Variants in CRPPA observed in about 807,000 individuals in gnomAD.
CRPPA encodes the protein D-ribitol-5-phosphate cytidylyltransferase.
Under a neutral mutation model 52.0 loss-of-function variants are expected in CRPPA, and 43 were observed. That is an observed-to-expected ratio of 0.83 (90% CI 0.65 to 1.07). CRPPA has a LOEUF of 1.07. CRPPA is among the 50% of genes least tolerant of loss of function. The pLI, the probability that CRPPA is intolerant of heterozygous loss-of-function variation, is 0.00. For synonymous variants in CRPPA, 250 were observed against 203.5 expected, an observed-to-expected ratio of 1.23 and a Z score of -1.94; for missense variants, 629 against 551.7, an observed-to-expected ratio of 1.14 and a Z score of -1.40.
chr7:16,166,471 G>C lies in CRPPA; in HGVS notation c.1251+49595C>G, dbSNP rs1045700702. ...ATATTTGTATTTTTAGTAGAGACAA[G>C]GTTTCACCTTGTTGGCCAGGCTAGT... On this transcript the variant is annotated intron_variant, in intron 9 of 9. Coordinates refer to ENST00000407010, the MANE Select transcript of CRPPA (RefSeq NM_001101426.4). 5.9e-5 allele frequency among the ~76,000 whole-genome samples: 9 copies of C among 152,110 alleles called. No individual in the cohort carries two copies. In the South Asian group the frequency reaches 6.2e-4, roughly 11 times the overall value.
At chr7:16,220,958 T>C (rs1306056141) in intron 8 of CRPPA, among the ~76,000 whole-genome samples, 2 of 152,020 alleles carry the variant, frequency 1.3e-5, no homozygotes, top group African/African-American at 4.8e-5. Flanking sequence ...AAAGTTCATA[T>C]GGAACCAAAA....
At chr7:16,122,329 A>G (rs951727810) in intron 9 of CRPPA, among the ~76,000 whole-genome samples, 3 of 152,062 alleles carry the variant, frequency 2.0e-5, no homozygotes, top group African/African-American at 7.2e-5. Context: ...AGCAATAATA[A>G]TTACAAGAAA....
intron 9 of CRPPA, among the ~76,000 whole-genome samples, chr7:16,127,475 G>GA (rs901189218): frequency 6.6e-6 from 1 of 151,636 alleles, no homozygotes; most frequent in Non-Finnish European, 1.5e-5. Flanking sequence ...AGTTGGGTAA[G>GA]AAAAAAAATC....
chr7:16,387,135 C>T, intron 2 of CRPPA, among the ~76,000 whole-genome samples: 1 of 137,726 alleles, frequency 7.3e-6, no homozygotes. Context: ...GCTCACTTTT[C>T]ATCTTCTATA....
chr7:16,204,267 A>G (rs2128394349), intron 9 of CRPPA, among the ~76,000 whole-genome samples: 1 of 152,336 alleles, frequency 6.6e-6, no homozygotes, highest in East Asian at 1.9e-4. Context: ...GGAAAGGTTA[A>G]TCTGAATCAA....
chr7:16,298,603 G>C (rs1220669714), intron 5 of CRPPA, among the ~76,000 whole-genome samples: 1 of 152,174 alleles, frequency 6.6e-6, no homozygotes, highest in Non-Finnish European at 1.5e-5. Flanking sequence ...AAAATACTTT[G>C]AACATGGTTA....
At chr7:16,262,077 G>C (rs1025191860) in intron 6 of CRPPA, 7 of 152,100 alleles carry the variant, frequency 4.6e-5, no homozygotes. Flanking sequence ...TCTTCATGGG[G>C]AATTTCCAAA....
At chr7:16,205,899 G>A (rs538618385) in intron 9 of CRPPA, among the ~76,000 whole-genome samples, 5 of 151,282 alleles carry the variant, frequency 3.3e-5, no homozygotes, top group Admixed American at 6.6e-5. Context: ...GAGAATTAAG[G>A]TGGTGAATAT....
chr7:16,162,457 G>A (rs1361170875), intron 9 of CRPPA, among the ~76,000 whole-genome samples: 4 of 152,148 alleles, frequency 2.6e-5, no homozygotes, highest in African/African-American at 7.2e-5. Flanking sequence ...TCAGGAGCAG[G>A]TTGTTCAGTT....
intron 9 of CRPPA, among the ~76,000 whole-genome samples, chr7:16,197,693 C>T (rs1183050951): frequency 6.6e-6 from 1 of 150,880 alleles, no homozygotes; most frequent in Non-Finnish European, 1.5e-5. Flanking sequence ...CACATAATGA[C>T]TCCATCCAAA....
chr7:16,213,930 A>G (rs1173713787), intron 9 of CRPPA, among the ~76,000 whole-genome samples: 1 of 152,194 alleles, frequency 6.6e-6, no homozygotes. Flanking sequence ...AGCAAGCTTT[A>G]TGTTACACTT....
rs1562497182 is a variant in CRPPA, at chr7:16,089,544, T to TGG, written c.*2150_*2151insCC. 4 of 253,356 alleles carry TGG rather than the reference T, an allele frequency of 1.6e-5. No individual in the cohort carries two copies. The highest frequency in any genetic ancestry group is 1.5e-3 in the Middle Eastern group (1 of 674). The allele number at this position is 253,356 out of a possible 1,614,324, so 15.7% of individuals were successfully genotyped here. A position where few individuals can be genotyped will look rare whatever the true frequency, so the allele number is the denominator to read the frequency against. On this transcript the variant is annotated 3_prime_UTR_variant, in exon 10 of 10. Transcript: ENST00000407010. ...ATATATGTACGTACATACATATATATGTATATACATGTAAGTATATACATA... is the reference window on the plus strand; with the variant it reads ...ATATATGTACGTACATACATATATATGGGTATATACATGTAAGTATATACATA...
At chr7:16,240,370 A>T (rs941365473) in intron 8 of CRPPA, among the ~76,000 whole-genome samples, 21 of 152,032 alleles carry the variant, frequency 1.4e-4, no homozygotes, top group Admixed American at 3.3e-4. Context: ...CTGCCACTGG[A>T]GCAGTGTACA....
intron 1 of CRPPA, among the ~76,000 whole-genome samples, chr7:16,409,139 T>C (rs1788022358): frequency 6.6e-6 from 1 of 152,274 alleles, no homozygotes; most frequent in African/African-American, 2.4e-5. Context: ...TGACCTCAGG[T>C]GATCCACCCA....
intron 5 of CRPPA, among the ~76,000 whole-genome samples, chr7:16,295,805 T>C (rs1227852438): frequency 6.6e-6 from 1 of 152,120 alleles, no homozygotes. Flanking sequence ...CAGAGCAGAC[T>C]TGGGTGGGCT....
At chr7:16,110,879 C>A (rs1271723276) in intron 9 of CRPPA, among the ~76,000 whole-genome samples, 2 of 151,224 alleles carry the variant, frequency 1.3e-5, no homozygotes, top group Admixed American at 1.3e-4. Context: ...ACAACATGGG[C>A]AATGATTTCT....
At chr7:16,102,295 C>A (rs1312796194) in intron 9 of CRPPA, among the ~76,000 whole-genome samples, 1 of 152,102 alleles carries the variant, frequency 6.6e-6, no homozygotes, top group Non-Finnish European at 1.5e-5. Flanking sequence ...ATACCTTATA[C>A]AAAAATTAAC....
intron 3 of CRPPA, among the ~76,000 whole-genome samples, chr7:16,308,904 G>A (rs1427690379): frequency 1.3e-5 from 2 of 152,014 alleles, no homozygotes; most frequent in Non-Finnish European, 2.9e-5. Flanking sequence ...GTAAAAAAAT[G>A]TAATACTTTG....
chr7:16,157,183 AT>A (rs71007748), intron 9 of CRPPA, among the ~76,000 whole-genome samples: 45,692 of 142,534 alleles, frequency 0.32, 7,674 homozygotes, highest in South Asian at 0.52. Context: ...AAATGCTGCA[AT>A]TTTTTTTTTT....
Sources: gnomAD v4.1 joint callset for allele counts (sites outside exome capture counted in the v4.1 genomes callset) on GRCh38, gnomAD v4.1.1 for gene constraint, MANE v1.5 for transcripts, NCBI Gene and HGNC (gene_info 2026-07-23, HGNC 2026-07-21) for gene names.